CAMK2D: variants seen among roughly 807,000 people sequenced by gnomAD.
The protein encoded by CAMK2D is calcium/calmodulin-dependent protein kinase type II subunit delta.
CAMK2D carries 37 observed loss-of-function variants against 84.0 expected under a neutral mutation model. That is an observed-to-expected ratio of 0.44 (90% confidence interval 0.34 to 0.58). The LOEUF (loss-of-function observed/expected upper bound fraction) is 0.58, where lower values mean the gene tolerates loss of function less well. Ranked by LOEUF, CAMK2D falls within the 20% of genes least tolerant of loss-of-function variation. CAMK2D has a pLI of 0.02. For synonymous variants in CAMK2D, 202 were observed against 212.5 expected (o/e 0.95, Z 0.43); for missense variants, 448 against 652.5 (o/e 0.69, Z 3.41).
chr4:113,596,487 G>A (rs1215900624), intron 4 of CAMK2D, among the ~76,000 whole-genome samples: 2 of 152,076 alleles, frequency 1.3e-5, no homozygotes, highest in Admixed American at 6.6e-5. Flanking sequence ...GGCAGCTATC[G>A]CCTTACAAAA....
At chr4:113,488,426 C>T (rs1017062528) in intron 16 of CAMK2D, among the ~76,000 whole-genome samples, 3 of 152,058 alleles carry the variant, frequency 2.0e-5, no homozygotes, top group African/African-American at 7.2e-5. Flanking sequence ...CAGACCTTAG[C>T]GATGACCTTG....
chr4:113,490,388 ATTC>A (rs2097821372), intron 16 of CAMK2D, among the ~76,000 whole-genome samples: 1 of 129,266 alleles, frequency 7.7e-6, no homozygotes, highest in African/African-American at 3.4e-5. Flanking sequence ...AGCACCATTT[ATTC>A]AATAGGGAAT....
intron 4 of CAMK2D, among the ~76,000 whole-genome samples, chr4:113,581,350 C>T (rs1321058044): frequency 6.6e-6 from 1 of 151,732 alleles, no homozygotes; most frequent in Non-Finnish European, 1.5e-5. Flanking sequence ...CGTGTCTCTA[C>T]TAAAAATACA....
intron 4 of CAMK2D, among the ~76,000 whole-genome samples, chr4:113,606,880 CA>C (rs2098979991): frequency 6.6e-6 from 1 of 151,696 alleles, no homozygotes; most frequent in South Asian, 2.1e-4. Context: ...AAACAAAAAC[CA>C]AAAAATTTTA....
intron 4 of CAMK2D, among the ~76,000 whole-genome samples, chr4:113,584,788 G>A (rs2098826487): frequency 6.6e-6 from 1 of 152,090 alleles, no homozygotes; most frequent in African/African-American, 2.4e-5. Context: ...TTAAATTGTG[G>A]TGGTTTCCAA....
At chr4:113,457,705 C>A in intron 18 of CAMK2D, 142 bp from the exon 19 acceptor site, 1 of 651,212 alleles carries the variant, frequency 1.5e-6, no homozygotes. Context: ...ACTATTTGTA[C>A]TAATTGGGTA....
chr4:113,540,770 T>C (rs1402498701), intron 6 of CAMK2D, among the ~76,000 whole-genome samples: 2 of 152,190 alleles, frequency 1.3e-5, no homozygotes, highest in Non-Finnish European at 2.9e-5. Context: ...GTGCAGAACA[T>C]TTAATATTTG....
intron 16 of CAMK2D, among the ~76,000 whole-genome samples, chr4:113,487,954 C>T (rs1356783778): frequency 6.6e-6 from 1 of 151,926 alleles, no homozygotes; most frequent in Non-Finnish European, 1.5e-5. Context: ...TCAATATCTA[C>T]ATTCTGCTGT....
At chr4:113,663,579 G>C (rs902269559) in intron 2 of CAMK2D, among the ~76,000 whole-genome samples, 3 of 124,678 alleles carry the variant, frequency 2.4e-5, no homozygotes, top group Admixed American at 8.0e-5. Context: ...ACAGCGGGAG[G>C]CTCTGTCTAA....
intron 2 of CAMK2D, among the ~76,000 whole-genome samples, chr4:113,697,790 T>A (rs17046416): frequency 0.16 from 24,306 of 151,944 alleles, 3,411 homozygotes; most frequent in African/African-American, 0.37. Context: ...TTGGAATTAA[T>A]GAAATAGCCC....
Position 113,636,006 on chromosome 4 carries a change from G to C in CAMK2D, c.220+25707C>G, listed in dbSNP as rs762504348. ...TTCCTGTTGCATGCTGTCAACTTCTGATTTTATATTCCCAACCCTGAACTC... is the reference window on the plus strand; with the variant it reads ...TTCCTGTTGCATGCTGTCAACTTCTCATTTTATATTCCCAACCCTGAACTC... On this transcript the variant is annotated intron_variant, in intron 3 of 20. Coordinates refer to ENST00000511664, the MANE Select transcript of CAMK2D (RefSeq NM_001321571.2). Among the ~76,000 whole-genome samples, 15 of 152,300 alleles carry C rather than the reference G, an allele frequency of 9.8e-5. 1 individual carries two copies. The South Asian group carries it at 2.3e-3, about 23-fold the overall frequency.
intron 16 of CAMK2D, 28 bp from the exon 17 acceptor site, chr4:113,465,632 A>G: frequency 1.5e-6 from 2 of 1,348,258 alleles, no homozygotes; most frequent in Admixed American, 3.5e-5. Context: ...GAGTTGGGTA[A>G]GAATAAAAGA....
chr4:113,485,097 C>G (rs1479004466), intron 16 of CAMK2D, among the ~76,000 whole-genome samples: 1 of 152,154 alleles, frequency 6.6e-6, no homozygotes, highest in Non-Finnish European at 1.5e-5. Flanking sequence ...GATTTAACCT[C>G]TCTAAGCTTC....
At chr4:113,540,902 T>TA (rs1214840955) in intron 6 of CAMK2D, among the ~76,000 whole-genome samples, 1 of 152,228 alleles carries the variant, frequency 6.6e-6, no homozygotes, top group African/African-American at 2.4e-5. Flanking sequence ...GGTTTTTAAA[T>TA]AGAGTGCACA....
At chr4:113,460,611 A>C (rs2097361449) in intron 17 of CAMK2D, among the ~76,000 whole-genome samples, 1 of 151,874 alleles carries the variant, frequency 6.6e-6, no homozygotes, top group Non-Finnish European at 1.5e-5. Context: ...CTATTGTCCA[A>C]GTGTAAGACA....
intron 2 of CAMK2D, among the ~76,000 whole-genome samples, chr4:113,712,258 A>C (rs939915442): frequency 1.3e-5 from 2 of 151,908 alleles, no homozygotes; most frequent in Admixed American, 6.6e-5. Context: ...ATTAACTTTG[A>C]CCTACTCAAA....
intron 3 of CAMK2D, among the ~76,000 whole-genome samples, chr4:113,619,283 A>C (rs891290421): frequency 1.3e-5 from 2 of 152,158 alleles, no homozygotes; most frequent in African/African-American, 4.8e-5. Flanking sequence ...AGCCTGATCT[A>C]TGGCAAGTCC....
At chr4:113,648,590 T>C (rs569190158) in intron 3 of CAMK2D, among the ~76,000 whole-genome samples, 6 of 152,324 alleles carry the variant, frequency 3.9e-5, no homozygotes, top group South Asian at 2.1e-4. Context: ...TTTACTTTAG[T>C]GGACAGAATG....
chr4:113,476,390 GACA>G (rs999221010), intron 16 of CAMK2D, among the ~76,000 whole-genome samples: 53 of 152,042 alleles, frequency 3.5e-4, no homozygotes, highest in African/African-American at 1.3e-3. Flanking sequence ...CAAAAATTAC[GACA>G]ACGAGATAAA....
Sources: gnomAD v4.1 joint callset for allele counts (sites outside exome capture counted in the v4.1 genomes callset) on GRCh38, gnomAD v4.1.1 for gene constraint, MANE v1.5 for transcripts, NCBI Gene and HGNC (gene_info 2026-07-23, HGNC 2026-07-21) for gene names.